The following CCDC171 variants were observed in gnomAD, a reference collection of about 807,000 sequenced individuals.
CCDC171 encodes the protein coiled-coil domain-containing protein 171.
Under a neutral mutation model 168.2 loss-of-function variants are expected in CCDC171, and 177 were observed. The ratio of observed to expected loss-of-function variants is 1.05; its 90% CI spans 0.93 to 1.19. The LOEUF is 1.19. Ranked by LOEUF, CCDC171 falls within the 50% of genes most tolerant of loss-of-function variation. CCDC171 has a pLI of 0.00. For synonymous variants in CCDC171, 687 were observed against 540.8 expected (o/e 1.27, Z -3.75); for missense variants, 1,991 against 1,539.0 (o/e 1.29, Z -4.91).
chr9:15,920,878 T>C (rs1313567930), intron 25 of CCDC171, among the ~76,000 whole-genome samples: 1 of 151,640 alleles, frequency 6.6e-6, no homozygotes, highest in Non-Finnish European at 1.5e-5. Flanking sequence ...TTGTGATTCA[T>C]CTATATGATT....
At chr9:16,070,466 G>C in the CCDC171 span, among the ~76,000 whole-genome samples, 3 of 152,202 alleles carry the variant, frequency 2.0e-5, no homozygotes, top group Non-Finnish European at 4.4e-5. Context: ...AAGCCAGAAG[G>C]GACTTTTTAT....
intron 6 of CCDC171, among the ~76,000 whole-genome samples, 175 bp from the exon 7 acceptor site, chr9:15,623,092 C>G (rs1208514185): frequency 6.6e-6 from 1 of 152,128 alleles, no homozygotes; most frequent in Non-Finnish European, 1.5e-5. Context: ...GCTTTTTAAA[C>G]ACATGGACAT....
chr9:15,607,301 C>T (rs998968972), intron 6 of CCDC171, among the ~76,000 whole-genome samples: 1 of 152,162 alleles, frequency 6.6e-6, no homozygotes, highest in Non-Finnish European at 1.5e-5. Flanking sequence ...CTTCCCCATC[C>T]TGCCACAACT....
At chr9:15,878,694 C>T (rs1003115859) in intron 24 of CCDC171, among the ~76,000 whole-genome samples, 1 of 151,934 alleles carries the variant, frequency 6.6e-6, no homozygotes, top group African/African-American at 2.4e-5. Context: ...TTCACTGTAG[C>T]ACTAGTCACA....
chr9:16,016,213 C>A (rs572184022), intron 3 of CCDC171, among the ~76,000 whole-genome samples: 1 of 152,002 alleles, frequency 6.6e-6, no homozygotes, highest in Non-Finnish European at 1.5e-5. Flanking sequence ...GCAGTATATC[C>A]TGTCAAATTT....
rs1161286304 is a variant in CCDC171, at chr9:15,602,647, C to CTTTTTTTTTTTTTTTTTTTTTTTTTT, written c.675+8476_675+8501dup. On this transcript the variant is annotated intron_variant, in intron 6 of 25. Coordinates refer to ENST00000380701, the MANE Select transcript of CCDC171 (RefSeq NM_173550.4). ...TTTCTCATTTCTTTTTTTTTTTTTT[C>CTTTTTTTTTTTTTTTTTTTTTTTTTT]TTTTTTTTTTTTTTTTTTTTTTTTT... 3.0e-4 allele frequency among the ~76,000 whole-genome samples: 9 copies of CTTTTTTTTTTTTTTTTTTTTTTTTTT among 30,492 alleles called. 1 individual carries two copies. Among genetic ancestry groups the CTTTTTTTTTTTTTTTTTTTTTTTTTT allele is most frequent in the African/African-American group, 3.7e-4 (3 of 8,108 alleles). The allele number at this position is 30,492 out of a possible 152,430, so 20.0% of individuals were successfully genotyped here.
intron 24 of CCDC171, among the ~76,000 whole-genome samples, chr9:15,901,994 C>G (rs1398549327): frequency 3.3e-5 from 5 of 152,048 alleles, no homozygotes; most frequent in Admixed American, 6.6e-5. Flanking sequence ...AAGAATTATG[C>G]AATTTTCTTT....
Position 15,870,042 on chromosome 9 carries a change from T to G in CCDC171, c.3469-4490T>G, listed in dbSNP as rs942658756. Among the ~76,000 whole-genome samples the G allele has an allele frequency of 8.6e-5, 13 of 151,678 alleles. 1 individual carries two copies. Among genetic ancestry groups the G allele is most frequent in the Admixed American group, 3.3e-4 (5 of 15,194 alleles). On this transcript the variant is annotated intron_variant, in intron 23 of 25. Transcript: ENST00000380701. ...ACCATATGGTCTTTGTCTCAACTAC[T>G]CAACTCTGTCATTGTAACAGGAAAG... is the stretch of plus-strand genomic sequence containing the variant.
Position 15,727,851 on chromosome 9 carries a change from CTTT to C in CCDC171, c.1693-10_1693-8del. ...TGTTTATATACAGCAATTAATTTTT[CTTT>C]TTTTTTTCCTGCAGGAGAAGCTAAC... On this transcript the variant is annotated splice_polypyrimidine_tract_variant and intron_variant, in intron 14 of 25. Transcript: ENST00000380701. The C allele has an allele frequency of 1.5e-6, 2 of 1,362,106 alleles. No homozygotes were observed. The highest frequency in any genetic ancestry group is 1.4e-5 in the South Asian group (1 of 73,028). The allele number at this position is 1,362,106 out of a possible 1,614,324, so 84.4% of individuals were successfully genotyped here.
At chr9:15,774,079 C>G (rs890074417) in intron 18 of CCDC171, among the ~76,000 whole-genome samples, 2 of 151,590 alleles carry the variant, frequency 1.3e-5, no homozygotes, top group African/African-American at 2.4e-5. Context: ...AACCCTGTCT[C>G]TACTAAAAAT....
At chr9:15,717,376 G>C (rs921424839) in intron 11 of CCDC171, among the ~76,000 whole-genome samples, 7 of 152,098 alleles carry the variant, frequency 4.6e-5, no homozygotes, top group Non-Finnish European at 8.8e-5. Context: ...AAGTGCTCAG[G>C]GTCCTAAATA....
At chr9:15,954,908 G>C (rs980777967) in intron 25 of CCDC171, among the ~76,000 whole-genome samples, 6 of 152,002 alleles carry the variant, frequency 3.9e-5, no homozygotes, top group Non-Finnish European at 7.4e-5. Context: ...TTGTCTCAGA[G>C]ACCTGCCATC....
intron 16 of CCDC171, among the ~76,000 whole-genome samples, chr9:15,730,045 G>A (rs2054060493): frequency 6.6e-6 from 1 of 151,760 alleles, no homozygotes; most frequent in Admixed American, 6.6e-5. Context: ...ATCCCAAAAT[G>A]CATTGGTCAG....
At chr9:15,596,984 C>T (rs1001652404) in intron 6 of CCDC171, among the ~76,000 whole-genome samples, 9 of 152,050 alleles carry the variant, frequency 5.9e-5, no homozygotes, top group South Asian at 2.1e-4. Flanking sequence ...GTGATTTTTG[C>T]ACATTGATTT....
At chr9:15,606,231 A>G (rs952424262) in intron 6 of CCDC171, among the ~76,000 whole-genome samples, 16 of 152,212 alleles carry the variant, frequency 1.1e-4, no homozygotes, top group Admixed American at 1.0e-3. Flanking sequence ...ATAAGAGGGA[A>G]TATTGTATTT....
At chr9:16,043,916 G>A (rs1833613487) in intron 1 of CCDC171, among the ~76,000 whole-genome samples, 1 of 152,192 alleles carries the variant, frequency 6.6e-6, no homozygotes, top group Non-Finnish European at 1.5e-5. Context: ...AGTTACCCTT[G>A]TTCCAGGGTC....
intron 11 of CCDC171, among the ~76,000 whole-genome samples, chr9:15,702,123 A>G (rs1336105448): frequency 2.0e-5 from 3 of 152,202 alleles, no homozygotes; most frequent in Non-Finnish European, 4.4e-5. Context: ...GTCAATGAAC[A>G]ATAATGTTTT....
intron 6 of CCDC171, among the ~76,000 whole-genome samples, chr9:16,028,953 C>G (rs1405780215): frequency 6.6e-6 from 1 of 152,170 alleles, no homozygotes; most frequent in Non-Finnish European, 1.5e-5. Flanking sequence ...AGCTCTCCAG[C>G]CTCTGCCGGT....
At chr9:15,579,057 G>A (rs202022770) in intron 4 of CCDC171, 34 bp downstream of exon 4, 1 of 1,558,586 alleles carries the variant, frequency 6.4e-7, no homozygotes, top group Non-Finnish European at 8.8e-7. Context: ...CAAGTTTAGG[G>A]TTGTAACCTG....
Sources: gnomAD v4.1 joint callset for allele counts (sites outside exome capture counted in the v4.1 genomes callset) on GRCh38, gnomAD v4.1.1 for gene constraint, MANE v1.5 for transcripts, NCBI Gene and HGNC (gene_info 2026-07-23, HGNC 2026-07-21) for gene names.